The following DPP6 variants were observed in gnomAD, a reference collection of about 807,000 sequenced individuals.
The protein encoded by DPP6 is A-type potassium channel modulatory protein DPP6.
A neutral mutation model predicts 122.6 loss-of-function variants in DPP6; 69 were observed. That is an observed-to-expected ratio of 0.56 (90% confidence interval 0.46 to 0.69). The LOEUF is 0.69. DPP6 is among the 30% of genes least tolerant of loss of function. The pLI is 0.00. For missense variants in DPP6, 928 were observed against 1,116.9 expected, an observed-to-expected ratio of 0.83 and a Z score of 2.41; for synonymous variants, 418 against 433.1, an observed-to-expected ratio of 0.97 and a Z score of 0.43.
rs369454399 is a variant in DPP6 at position 154,305,598 on chromosome 7, G to A, written c.244-140616G>A. ...CGTGTGTGTGTGTGTGCGTGCGTGT[G>A]CATGCGTGCATATGTGTGTGCATGA... On this transcript the variant is annotated intron_variant, in intron 1 of 25. Coordinates refer to ENST00000377770, the MANE Select transcript of DPP6 (RefSeq NM_130797.4). 7.0e-6 allele frequency: 11 copies of A among 1,562,678 alleles called. No homozygotes were observed. The African/African-American group carries it at 1.2e-4, about 17-fold the overall frequency.
At chr7:154,871,160 C>T (rs959154439) in intron 18 of DPP6, among the ~76,000 whole-genome samples, 5 of 152,192 alleles carry the variant, frequency 3.3e-5, no homozygotes, top group Admixed American at 6.5e-5. Context: ...ACTCTACCCA[C>T]TGCTGTCCCA....
At chr7:154,637,910 T>G (rs767172601) in intron 6 of DPP6, 37 bp downstream of exon 6, 1 of 1,549,876 alleles carries the variant, frequency 6.5e-7, no homozygotes. Flanking sequence ...ATTAGAAATA[T>G]GCAGGGCAAA....
chr7:154,571,107 G>T (rs1329597835), intron 5 of DPP6, among the ~76,000 whole-genome samples: 2 of 152,006 alleles, frequency 1.3e-5, no homozygotes, highest in Non-Finnish European at 2.9e-5. Flanking sequence ...TACACTTCCT[G>T]AATATTCTCT....
At chr7:154,475,406 A>C in intron 3 of DPP6, 1 of 306,076 alleles carries the variant, frequency 3.3e-6, no homozygotes, top group South Asian at 2.9e-5. Flanking sequence ...CCTTCTCCAC[A>C]ATCTTCATTC....
At chr7:154,079,591 G>A (rs1430646402) in intron 1 of DPP6, among the ~76,000 whole-genome samples, 10 of 152,124 alleles carry the variant, frequency 6.6e-5, no homozygotes, top group African/African-American at 1.2e-4. Flanking sequence ...GAACAAGCAC[G>A]GCCCCTTTGA....
chr7:154,441,909 G>C (rs571729383), intron 1 of DPP6, among the ~76,000 whole-genome samples: 1 of 152,318 alleles, frequency 6.6e-6, no homozygotes, highest in Non-Finnish European at 1.5e-5. Flanking sequence ...CTCAGAAAAG[G>C]TATAGCTTGG....
chr7:154,667,558 A>G (rs887622234), intron 6 of DPP6, among the ~76,000 whole-genome samples: 1 of 152,124 alleles, frequency 6.6e-6, no homozygotes, highest in Non-Finnish European at 1.5e-5. Context: ...CTCTGTCTCT[A>G]CTAAAAATAC....
chr7:153,904,758 A>C (rs578114208), intron 1 of DPP6, among the ~76,000 whole-genome samples: 2 of 152,360 alleles, frequency 1.3e-5, no homozygotes, highest in East Asian at 3.9e-4. Flanking sequence ...ATTTAATTAC[A>C]AGTCTGATGC....
chr7:154,564,616 A>G (rs1368427206), intron 4 of DPP6, among the ~76,000 whole-genome samples: 2 of 152,242 alleles, frequency 1.3e-5, no homozygotes, highest in East Asian at 3.9e-4. Context: ...AACCACACAT[A>G]TATCAACAAA....
At chr7:154,716,526 AC>A (rs1264430736) in intron 7 of DPP6, among the ~76,000 whole-genome samples, 2 of 151,898 alleles carry the variant, frequency 1.3e-5, no homozygotes, top group Non-Finnish European at 2.9e-5. Context: ...TTCCTTCTTC[AC>A]CCCCAGCTAT....
intron 11 of DPP6, 110 bp downstream of exon 11, chr7:154,794,312 G>A (rs979605436): frequency 1.0e-5 from 14 of 1,376,202 alleles, no homozygotes; most frequent in Admixed American, 6.2e-5. Flanking sequence ...CTTGGGGACC[G>A]GCCGCCCAGC....
chr7:154,808,130 A>G (rs1431768589), intron 16 of DPP6, among the ~76,000 whole-genome samples: 1 of 152,230 alleles, frequency 6.6e-6, no homozygotes, highest in African/African-American at 2.4e-5. Context: ...AGAGACTAAG[A>G]TCAGGAGCAA....
chr7:153,877,019 G>T, the DPP6 span, among the ~76,000 whole-genome samples: 1 of 151,918 alleles, frequency 6.6e-6, no homozygotes, highest in South Asian at 2.1e-4. Flanking sequence ...GGGAGTGAGT[G>T]GTGAGTGAAT....
At chr7:153,789,411 A>T in the DPP6 span, among the ~76,000 whole-genome samples, 1 of 152,202 alleles carries the variant, frequency 6.6e-6, no homozygotes, top group South Asian at 2.1e-4. Flanking sequence ...ATATATCAGT[A>T]TTTATTCATT....
chr7:153,988,394 C>T (rs1189531437), intron 1 of DPP6, among the ~76,000 whole-genome samples: 1 of 151,974 alleles, frequency 6.6e-6, no homozygotes, highest in Non-Finnish European at 1.5e-5. Context: ...GGTTTGCCTG[C>T]TGTGCTGGTA....
At chr7:154,472,158 GA>G (rs1391578947) in intron 2 of DPP6, among the ~76,000 whole-genome samples, 1 of 152,150 alleles carries the variant, frequency 6.6e-6, no homozygotes, top group Non-Finnish European at 1.5e-5. Flanking sequence ...CTGATGTGAA[GA>G]AAAATAGTCT....
intron 7 of DPP6, among the ~76,000 whole-genome samples, chr7:154,722,312 T>C (rs73498013): frequency 2.5e-3 from 382 of 152,380 alleles, no homozygotes; most frequent in African/African-American, 8.5e-3. Context: ...TCCTCTGTGC[T>C]CCCAGCACGT....
intron 1 of DPP6, among the ~76,000 whole-genome samples, chr7:154,097,208 G>A (rs1031855394): frequency 6.6e-6 from 1 of 152,194 alleles, no homozygotes; most frequent in Non-Finnish European, 1.5e-5. Context: ...CCACAGTCAG[G>A]CGGCCACTCA....
rs1415549876 is a variant in DPP6 at position 154,606,152 on chromosome 7, T to A, written c.628-31669T>A. On this transcript the variant is annotated intron_variant, in intron 5 of 25. Transcript: ENST00000377770. Reference sequence around the variant, plus strand: ...GAAAGAGGACCCTTCAATTGGCCACTGGCTTATTAGTTATATTGTTGCAAT... The same window carrying A: ...GAAAGAGGACCCTTCAATTGGCCACAGGCTTATTAGTTATATTGTTGCAAT... 1.7e-5 allele frequency among the ~76,000 whole-genome samples: 2 copies of A among 120,412 alleles called. 1 individual carries two copies. The highest frequency in any genetic ancestry group is 3.7e-5 in the Non-Finnish European group (2 of 53,408). 79.0% of individuals were successfully genotyped at this position (120,412 alleles called of 152,430 possible). A position where few individuals can be genotyped will look rare whatever the true frequency, so the allele number is the denominator to read the frequency against.
Sources: gnomAD v4.1 joint callset for allele counts (sites outside exome capture counted in the v4.1 genomes callset) on GRCh38, gnomAD v4.1.1 for gene constraint, MANE v1.5 for transcripts, NCBI Gene and HGNC (gene_info 2026-07-23, HGNC 2026-07-21) for gene names.